PXDNL: variants seen among roughly 807,000 people sequenced by gnomAD.
The protein encoded by PXDNL is probable oxidoreductase PXDNL.
Under a neutral mutation model 150.8 loss-of-function variants are expected in PXDNL, and 145 were observed. The ratio of observed to expected loss-of-function variants is 0.96; its 90% CI spans 0.84 to 1.10. The LOEUF is 1.10. Among genes scored for constraint, PXDNL ranks in the 50% least tolerant of loss-of-function variants. The pLI, the probability that PXDNL is intolerant of heterozygous loss-of-function variation, is 0.00. For missense variants in PXDNL, 2,087 were observed against 1,873.9 expected (o/e 1.11, Z -2.10); for synonymous variants, 757 against 725.7 (o/e 1.04, Z -0.69).
intron 17 of PXDNL, among the ~76,000 whole-genome samples, chr8:51,376,206 A>G (rs1357226481): frequency 2.0e-5 from 3 of 152,244 alleles, no homozygotes; most frequent in Non-Finnish European, 2.9e-5. Flanking sequence ...TGTACAATTC[A>G]TACATCCACA....
At chr8:51,644,406 A>ATATGTATATATATACATATG (rs764867335) in intron 2 of PXDNL, among the ~76,000 whole-genome samples, 5,833 of 23,338 alleles carry the variant, frequency 0.25, 531 homozygotes, top group African/African-American at 0.42. Flanking sequence ...ATATATACAC[A>ATATGTATATATATACATATG]TGTGTGTGTA....
At chr8:51,516,531 G>A (rs530476997) in intron 4 of PXDNL, among the ~76,000 whole-genome samples, 1 of 152,292 alleles carries the variant, frequency 6.6e-6, no homozygotes, top group South Asian at 2.1e-4. Flanking sequence ...AGGGTTTGTT[G>A]ATGGCGCTTT....
chr8:51,462,695 T>C (rs1358991129), intron 8 of PXDNL, among the ~76,000 whole-genome samples: 1 of 151,262 alleles, frequency 6.6e-6, no homozygotes, highest in Non-Finnish European at 1.5e-5. Flanking sequence ...TGAGAGAAAA[T>C]GAAGAAGAGT....
At chr8:51,396,754 G>A (rs527428388) in intron 17 of PXDNL, among the ~76,000 whole-genome samples, 5 of 152,158 alleles carry the variant, frequency 3.3e-5, no homozygotes, top group Non-Finnish European at 5.9e-5. Flanking sequence ...ATGAAACTCC[G>A]TCTCAAAAAT....
intron 21 of PXDNL, among the ~76,000 whole-genome samples, chr8:51,336,144 A>G (rs949243052): frequency 2.0e-5 from 3 of 152,202 alleles, no homozygotes; most frequent in African/African-American, 7.2e-5. Context: ...AACATTAGTA[A>G]TCTCCCATGA....
intron 17 of PXDNL, among the ~76,000 whole-genome samples, chr8:51,386,788 G>A (rs1298300822): frequency 6.6e-6 from 1 of 150,760 alleles, no homozygotes; most frequent in East Asian, 2.0e-4. Flanking sequence ...CTGCACTCCA[G>A]CCTGAGTGAC....
chr8:51,604,049 C>T (rs1813786132), intron 2 of PXDNL, among the ~76,000 whole-genome samples: 1 of 152,108 alleles, frequency 6.6e-6, no homozygotes, highest in Non-Finnish European at 1.5e-5. Context: ...AAGAAACCTT[C>T]CTCCAAAATT....
At chr8:51,499,647 A>G in intron 5 of PXDNL, 52 bp downstream of exon 5, 1 of 1,411,752 alleles carries the variant, frequency 7.1e-7, no homozygotes, top group Non-Finnish European at 1.0e-6. Flanking sequence ...TGGGTTGTAT[A>G]AATGGAAAAT....
chr8:51,408,131 C>A lies in PXDNL; in HGVS notation c.3493G>T (p.Val1165Phe). ...DFRVFCNLTS[V>F]KNFEDLQNEI... is the part of the protein sequence containing the mutation. ...TTTTGAAGATCCTCAAAGTTCTTAA[C>A]TGAAGTCAAATTACAGAAAACTCTG... Residue 1165 changes from valine (V) to phenylalanine (F), a missense_variant, in exon 17 of 23, where the codon GTT (valine) becomes TTT (phenylalanine). Transcript: ENST00000356297. 1.2e-6 allele frequency: 2 copies of A among 1,613,116 alleles called. No homozygotes were observed. Among genetic ancestry groups the A allele is most frequent in the Non-Finnish European group, 1.7e-6 (2 of 1,179,582 alleles).
At chr8:51,699,994 T>C (rs1816218852) in intron 1 of PXDNL, among the ~76,000 whole-genome samples, 1 of 152,002 alleles carries the variant, frequency 6.6e-6, no homozygotes, top group African/African-American at 2.4e-5. Context: ...GTTTGAAATA[T>C]TGTGAGAATT....
chr8:51,402,577 A>G (rs772516193), intron 17 of PXDNL, among the ~76,000 whole-genome samples: 1 of 152,192 alleles, frequency 6.6e-6, no homozygotes, highest in Non-Finnish European at 1.5e-5. Flanking sequence ...ATGAGTGACA[A>G]ATAAACTTAT....
At chr8:51,364,747 GA>G (rs1291002812) in intron 19 of PXDNL, among the ~76,000 whole-genome samples, 1 of 152,166 alleles carries the variant, frequency 6.6e-6, no homozygotes, top group Non-Finnish European at 1.5e-5. Context: ...ATAGGTTAAA[GA>G]GAACATTGCT....
At chr8:51,755,972 G>C (rs1198650910) in intron 1 of PXDNL, among the ~76,000 whole-genome samples, 1 of 152,082 alleles carries the variant, frequency 6.6e-6, no homozygotes, top group East Asian at 1.9e-4. Context: ...GCTTTCAATG[G>C]AATTAGAAAT....
intron 14 of PXDNL, among the ~76,000 whole-genome samples, chr8:51,416,029 C>G (rs1458112326): frequency 6.6e-6 from 1 of 152,226 alleles, no homozygotes; most frequent in Non-Finnish European, 1.5e-5. Context: ...TCAAATCAAT[C>G]TGCACTGGCA....
chr8:51,578,003 A>AAAGAAAGAAAG (rs1813116462), intron 3 of PXDNL, among the ~76,000 whole-genome samples: 3 of 62,852 alleles, frequency 4.8e-5, no homozygotes, highest in African/African-American at 2.5e-4. Context: ...AAGAAAGAGG[A>AAAGAAAGAAAG]AGGAAGGAAG....
At chr8:51,686,882 T>C (rs1003447323) in intron 1 of PXDNL, among the ~76,000 whole-genome samples, 1 of 152,006 alleles carries the variant, frequency 6.6e-6, no homozygotes, top group Non-Finnish European at 1.5e-5. Flanking sequence ...TATTATAAAT[T>C]AGAAAGGGTT....
chr8:51,595,638 G>A (rs182289932), intron 2 of PXDNL, among the ~76,000 whole-genome samples: 8 of 152,074 alleles, frequency 5.3e-5, no homozygotes, highest in Admixed American at 5.2e-4. Context: ...ATTTCTGTGC[G>A]TACCAAAGTA....
chr8:51,399,733 G>A (rs1808191406), intron 17 of PXDNL, among the ~76,000 whole-genome samples: 1 of 152,154 alleles, frequency 6.6e-6, no homozygotes, highest in Admixed American at 6.5e-5. Context: ...TGCCACTTTT[G>A]ATACATGATG....
chr8:51,395,053 T>A (rs1808037941), intron 17 of PXDNL, among the ~76,000 whole-genome samples: 1 of 152,128 alleles, frequency 6.6e-6, no homozygotes, highest in Non-Finnish European at 1.5e-5. Flanking sequence ...TGGGTCTGTA[T>A]TTGCTGAGTA....
Sources: gnomAD v4.1 joint callset for allele counts (sites outside exome capture counted in the v4.1 genomes callset) on GRCh38, gnomAD v4.1.1 for gene constraint, MANE v1.5 for transcripts, NCBI Gene and HGNC (gene_info 2026-07-23, HGNC 2026-07-21) for gene names.